The following POLR1C variants were observed in gnomAD, a reference collection of about 807,000 sequenced individuals.
POLR1C encodes RNA polymerase I and III subunit C.
In POLR1C, 42 loss-of-function variants were observed where a neutral mutation model predicts 38.3. The ratio of observed to expected loss-of-function variants is 1.10; its 90% CI spans 0.86 to 1.42. The LOEUF is 1.42. Ranked by LOEUF, POLR1C falls within the 40% of genes most tolerant of loss-of-function variation. The pLI is 0.00. For missense variants in POLR1C, 507 were observed against 450.5 expected (o/e 1.13, Z -1.14); for synonymous variants, 163 against 163.9 (o/e 0.99, Z 0.04).
downstream of POLR1C, chr6:43,522,660 C>T (rs1445506515): frequency 8.6e-6 from 4 of 466,944 alleles, no homozygotes; most frequent in Admixed American, 2.1e-5. Flanking sequence ...TGCCTGTGGC[C>T]CGCACCAGCT....
intron 10 of POLR1C, chr6:43,553,814 T>A: frequency 4.7e-6 from 1 of 212,700 alleles, no homozygotes; most frequent in Non-Finnish European, 8.8e-6. Context: ...CAGGTGAACA[T>A]CAAAAACATT....
downstream of POLR1C, chr6:43,523,999 A>G (rs1793368941): frequency 6.2e-7 from 1 of 1,612,912 alleles, no homozygotes; most frequent in Admixed American, 1.7e-5. Flanking sequence ...TGCTCTCCCA[A>G]GGGTTTCTGT....
chr6:43,557,899 C>A (rs1193397343), intron 10 of POLR1C, among the ~76,000 whole-genome samples: 1 of 150,932 alleles, frequency 6.6e-6, no homozygotes, highest in African/African-American at 2.4e-5. Flanking sequence ...AGTTCGAGAC[C>A]AGCCTGACCA....
At chr6:43,543,935 TCA>T in intron 9 of POLR1C, among the ~76,000 whole-genome samples, 1 of 152,284 alleles carries the variant, frequency 6.6e-6, no homozygotes, top group East Asian at 1.9e-4. Context: ...CCTTGGCCTC[TCA>T]CAGTGCTGGG....
At chr6:43,525,158 A>G, downstream of POLR1C, 1 of 1,585,268 alleles carries the variant, frequency 6.3e-7, no homozygotes. Flanking sequence ...GGCAGGACAG[A>G]GTATCTTTCC....
chr6:43,528,069 G>A, intron 8 of POLR1C: 2 of 1,316,120 alleles, frequency 1.5e-6, no homozygotes, highest in Non-Finnish European at 2.1e-6. Flanking sequence ...CTTCTACCCT[G>A]GGACAGCAGA....
chr6:43,561,017 A>G, intron 10 of POLR1C: 1 of 1,606,436 alleles, frequency 6.2e-7, no homozygotes, highest in South Asian at 1.1e-5. Context: ...CCTGTAGGAG[A>G]AGACCACTAT....
chr6:43,547,889 ATAT>A (rs1277712273), intron 9 of POLR1C, among the ~76,000 whole-genome samples: 1 of 152,230 alleles, frequency 6.6e-6, no homozygotes, highest in Non-Finnish European at 1.5e-5. Flanking sequence ...CCACTCCCAA[ATAT>A]TATTAGTAAC....
downstream of POLR1C, among the ~76,000 whole-genome samples, chr6:43,529,918 A>AC (rs1229344360): frequency 6.6e-6 from 1 of 151,470 alleles, no homozygotes; most frequent in East Asian, 1.9e-4. Flanking sequence ...TCAAAAAAAA[A>AC]AAAAAAAAAG....
At chr6:43,555,113 TG>T (rs919559520) in intron 10 of POLR1C, 1 of 152,214 alleles carries the variant, frequency 6.6e-6, no homozygotes, top group African/African-American at 2.4e-5. Context: ...GCTAATTTTT[TG>T]TGTTTTTAGT....
intron 9 of POLR1C, among the ~76,000 whole-genome samples, chr6:43,538,311 G>A (rs1794478737): frequency 1.3e-5 from 2 of 151,566 alleles, no homozygotes; most frequent in African/African-American, 4.8e-5. Context: ...CACCACACCT[G>A]GTTACTTTTT....
intron 2 of POLR1C, among the ~76,000 whole-genome samples, chr6:43,517,788 G>C (rs1258268808): frequency 6.6e-6 from 1 of 152,182 alleles, no homozygotes; most frequent in East Asian, 1.9e-4. Context: ...TTTGTTTCAA[G>C]TCAGTGAAGT....
At chr6:43,528,707 G>A (rs1239998822) in intron 8 of POLR1C, 6 of 939,252 alleles carry the variant, frequency 6.4e-6, no homozygotes, top group Non-Finnish European at 1.0e-5. Flanking sequence ...TAGAAGCTCT[G>A]CCCAGCCAGT....
At chr6:43,549,666 G>A (rs1480848608) in intron 9 of POLR1C, 4 of 1,438,530 alleles carry the variant, frequency 2.8e-6, no homozygotes, top group African/African-American at 2.9e-5. Flanking sequence ...TCAGTCAGGG[G>A]CAAATTCACA....
At chr6:43,539,238 T>G in intron 9 of POLR1C, 1 of 1,301,636 alleles carries the variant, frequency 7.7e-7, no homozygotes. Flanking sequence ...TTGGCCAGGA[T>G]GATGGCCCCA....
chr6:43,558,645 G>A (rs1173047205), intron 10 of POLR1C: 13 of 1,378,792 alleles, frequency 9.4e-6, no homozygotes, highest in African/African-American at 1.5e-5. Context: ...CACTGAAAGA[G>A]TTTTTAAGCT....
At chr6:43,521,861 A>G (rs77081084), downstream of POLR1C, among the ~76,000 whole-genome samples, 1,646 of 152,280 alleles carry the variant, frequency 0.011, 34 homozygotes, top group African/African-American at 0.037. Flanking sequence ...CTGGTTTAGC[A>G]TTTACCAATT....
At chr6:43,526,578 G>T in intron 8 of POLR1C, 1 of 1,247,840 alleles carries the variant, frequency 8.0e-7, no homozygotes, top group Non-Finnish European at 1.2e-6. Flanking sequence ...ATAACTACAT[G>T]TAGGGTGTCT....
chr6:43,539,518 G>C (rs113684125), intron 9 of POLR1C: 1 of 1,536,136 alleles, frequency 6.5e-7, no homozygotes, highest in South Asian at 1.1e-5. Flanking sequence ...GCTTGGTGAC[G>C]GGCATCCACT....
Sources: gnomAD v4.1 joint callset for allele counts (sites outside exome capture counted in the v4.1 genomes callset) on GRCh38, gnomAD v4.1.1 for gene constraint, MANE v1.5 for transcripts, NCBI Gene and HGNC (gene_info 2026-07-23, HGNC 2026-07-21) for gene names.